The following FGFR3 variants were observed in gnomAD, a reference collection of about 807,000 sequenced individuals.
The protein encoded by FGFR3 is FGFR-3.
A neutral mutation model predicts 82.9 loss-of-function variants in FGFR3; 25 were observed. The observed-to-expected ratio is 0.30, with a 90% CI of 0.22 to 0.42. The LOEUF is 0.42. Ranked by LOEUF, FGFR3 falls within the 10% of genes least tolerant of loss-of-function variation. FGFR3 has a pLI of 1.00. For synonymous variants in FGFR3, 620 were observed against 516.0 expected (o/e 1.20, Z -2.73); for missense variants, 1,026 against 1,161.0 (o/e 0.88, Z 1.69).
In FGFR3 at chr4:1,794,714, G is replaced by T. The variant is rs928942691; in HGVS notation, c.109+671G>T. On this transcript the variant is annotated intron_variant, in intron 2 of 17. Coordinates refer to ENST00000440486, the MANE Select transcript of FGFR3 (RefSeq NM_000142.5). Reference sequence around the variant, plus strand: ...GGTCTGAAGGGAGGTCCCAAGGGGCGAGGGGAGGGGAAGGGGCGCCCGGCC... The same window carrying T: ...GGTCTGAAGGGAGGTCCCAAGGGGCTAGGGGAGGGGAAGGGGCGCCCGGCC... Among the ~76,000 whole-genome samples the T allele has an allele frequency of 6.6e-5, 10 of 152,120 alleles. No individual in the cohort carries two copies. In the East Asian group the frequency reaches 1.2e-3, roughly 18 times the overall value.
Position 1,800,236 on chromosome 4 carries a change from C to T in FGFR3, c.445+424C>T, listed in dbSNP as rs373573635. On this transcript the variant is annotated intron_variant, in intron 4 of 17. Coordinates refer to ENST00000440486, the MANE Select transcript of FGFR3 (RefSeq NM_000142.5). ...CCGGGGCACCTGCCACAACCAGTGG[C>T]GGGCAGGGTGGCTGGCAGGAGGGTG... 1.1e-4 allele frequency among the ~76,000 whole-genome samples: 15 copies of T among 142,768 alleles called. No homozygotes were observed. The South Asian group carries it at 1.3e-3, about 12-fold the overall frequency. The allele number at this position is 142,768 out of a possible 152,430, so 93.7% of individuals were successfully genotyped here.
intron 7 of FGFR3, chr4:1,803,052 G>T: frequency 6.3e-7 from 1 of 1,597,186 alleles, no homozygotes; most frequent in Non-Finnish European, 8.5e-7. Context: ...GAGCGTTCAC[G>T]GGCCCCGAGC....
In FGFR3 at chr4:1,806,746, G is replaced by A. The variant is rs113910209; in HGVS notation, c.2168+63G>A. The A allele has an allele frequency of 6.2e-5, 99 of 1,597,980 alleles. No individual in the cohort carries two copies. The African/African-American group carries it at 6.8e-4, about 11-fold the overall frequency. On this transcript the variant is annotated intron_variant, in intron 16 of 17. Coordinates refer to ENST00000440486, the MANE Select transcript of FGFR3 (RefSeq NM_000142.5). The stretch of plus-strand genomic sequence containing the variant: ...GGTGGGGGTCCCTCCGGGGCTGGGC[G>A]GGGGAGGGACTGGCAGCCCTTCAGG...
rs777922470 is a variant in FGFR3 at position 1,807,402 on chromosome 4, T to A, written c.*140T>A. 1.0e-4 allele frequency: 1 copy of A among 10,018 alleles called. No homozygotes were observed. Among genetic ancestry groups the A allele is most frequent in the Non-Finnish European group, 1.7e-4 (1 of 5,732 alleles). The allele number at this position is 10,018 out of a possible 1,614,324, so 0.6% of individuals were successfully genotyped here. ...TTTGGTCTGTGTGTGTGTGTGTGCG[T>A]GTGTGTGTGTGTGTGTGCACATCCG... On this transcript the variant is annotated 3_prime_UTR_variant, in exon 18 of 18. Transcript: ENST00000440486.
At chr4:1,803,500 T>G (rs1721463627) in intron 7 of FGFR3, among the ~76,000 whole-genome samples, 192 bp from the exon 8 acceptor site, 1 of 152,254 alleles carries the variant, frequency 6.6e-6, no homozygotes, top group Non-Finnish European at 1.5e-5. Flanking sequence ...TGGAGGGGCC[T>G]GGCTTCGGGC....
chr4:1,803,567 C>T (rs1418938646), intron 7 of FGFR3, 125 bp from the exon 8 acceptor site: 27 of 1,480,176 alleles, frequency 1.8e-5, no homozygotes, highest in African/African-American at 8.4e-5. Flanking sequence ...ACCAAGTTGG[C>T]GGTGGCTGAG....
rs200767607 is a variant in FGFR3, at chr4:1,805,537, A to G, written c.1535-22A>G. On this transcript the variant is annotated intron_variant, in intron 11 of 17. Transcript: ENST00000440486. ...TGGGGGCGCCGCCGCCGCCTGACAC[A>G]GGCCCCCCGCTCCGTGCACAGACGA... 45 of 1,612,770 alleles carry G rather than the reference A, an allele frequency of 2.8e-5. No homozygotes were observed. In the African/African-American group the frequency reaches 5.6e-4, roughly 20 times the overall value.
chr4:1,799,661 T>C lies in FGFR3; in HGVS notation c.380-86T>C, dbSNP rs1193596330. The C allele has an allele frequency of 3.2e-6, 5 of 1,577,604 alleles. No individual in the cohort carries two copies. The East Asian group carries it at 1.1e-4, about 36-fold the overall frequency. On this transcript the variant is annotated intron_variant, in intron 3 of 17. Transcript: ENST00000440486. ...GCACCCCCAGGAAGTGCTGCCCAAATGGGGGACCCTGCCCCATCTGGGAGG... is the reference window on the plus strand; with the variant it reads ...GCACCCCCAGGAAGTGCTGCCCAAACGGGGGACCCTGCCCCATCTGGGAGG...
chr4:1,802,882 G>A, intron 7 of FGFR3: 2 of 1,567,112 alleles, frequency 1.3e-6, no homozygotes, highest in African/African-American at 1.4e-5. Flanking sequence ...TGCCTCGGGG[G>A]CGTGCCTGAG....
At position 1,806,697 on chromosome 4, in the gene FGFR3, C is replaced by G. The variant is rs776148449; in HGVS notation, c.2168+14C>G. 6.2e-7 allele frequency: 1 copy of G among 1,608,682 alleles called. No homozygotes were observed. ...CACACACGACCTGTGAGTGGCATCC[C>G]TGGCCCTCCACTGGGTCCTCAGGGG... On this transcript the variant is annotated intron_variant, in intron 16 of 17. Coordinates refer to ENST00000440486, the MANE Select transcript of FGFR3 (RefSeq NM_000142.5).
At chr4:1,799,133 G>A (rs955110737) in intron 2 of FGFR3, 121 bp from the exon 3 acceptor site, 13 of 1,380,356 alleles carry the variant, frequency 9.4e-6, no homozygotes, top group South Asian at 9.3e-5. Flanking sequence ...CTGGTCTGGT[G>A]GGACCCTGGA....
intron 4 of FGFR3, among the ~76,000 whole-genome samples, chr4:1,800,826 C>G (rs17880970): frequency 2.0e-5 from 3 of 152,190 alleles, no homozygotes; most frequent in Non-Finnish European, 4.4e-5. Flanking sequence ...CCCTGGACAT[C>G]GAGATGGGAG....
intron 8 of FGFR3, 132 bp downstream of exon 8, chr4:1,803,968 C>T (rs1472757845): frequency 6.3e-6 from 7 of 1,105,030 alleles, no homozygotes; most frequent in Non-Finnish European, 8.1e-6. Context: ...TCACTCCTGG[C>T]CCTGTGCCCA....
rs561462825 is a variant in FGFR3 at position 1,794,627 on chromosome 4, G to C, written c.109+584G>C. On this transcript the variant is annotated intron_variant, in intron 2 of 17. Transcript: ENST00000440486. ...GCCGAGCTCCAGGCAAGCGAGGGGC[G>C]CGTGTCCCAGCGTCGCGGGCCCTAG... 2.6e-3 allele frequency among the ~76,000 whole-genome samples: 390 copies of C among 152,276 alleles called. 1 individual carries two copies. The highest frequency in any genetic ancestry group is 0.011 in the South Asian group (53 of 4,830).
chr4:1,794,365 C>T (rs1239064960), intron 2 of FGFR3, among the ~76,000 whole-genome samples: 2 of 152,214 alleles, frequency 1.3e-5, no homozygotes, highest in South Asian at 2.1e-4. Context: ...TTCCACGATT[C>T]CCGCTGTTGT....
intron 2 of FGFR3, among the ~76,000 whole-genome samples, chr4:1,796,116 C>T (rs532168538): frequency 2.0e-5 from 3 of 152,292 alleles, no homozygotes; most frequent in African/African-American, 7.2e-5. Flanking sequence ...GCATGCAGCC[C>T]TCACCTGAGT....
chr4:1,806,181 C>T lies in FGFR3; in HGVS notation c.1959+8C>T, dbSNP rs371666188. 1,100 of 1,612,668 alleles carry T rather than the reference C, an allele frequency of 6.8e-4. 1 individual carries two copies. The highest frequency in any genetic ancestry group is 2.4e-3 in the South Asian group (215 of 91,056). On this transcript the variant is annotated splice_region_variant and intron_variant, in intron 14 of 17. Transcript: ENST00000440486. ...TACAAGAAGACGACCAACGTGAGCC[C>T]GGCCCTGGGGTGCGGGGGTGGGGGT...
chr4:1,801,562 C>A, intron 5 of FGFR3, 26 bp downstream of exon 5: 3 of 1,576,872 alleles, frequency 1.9e-6, no homozygotes, highest in East Asian at 2.3e-5. Context: ...TGGCTCTGGG[C>A]CTGGCAGGCG....
intron 2 of FGFR3, 32 bp downstream of exon 2, chr4:1,794,075 C>T (rs1311427105): frequency 2.4e-6 from 3 of 1,268,152 alleles, no homozygotes; most frequent in South Asian, 2.1e-5. Flanking sequence ...ACGGGAGAGG[C>T]CGGCCCGTGC....
Sources: allele counts gnomAD v4.1 joint callset (sites outside exome capture counted in the v4.1 genomes callset), GRCh38; gene constraint gnomAD v4.1.1; transcripts MANE v1.5; gene names NCBI Gene and HGNC (gene_info 2026-07-23, HGNC 2026-07-21).